Variants in RBMS3 observed in about 807,000 individuals in gnomAD.
The protein encoded by RBMS3 is RNA binding motif single stranded interacting protein 3, also known as RNA-binding motif, single-stranded-interacting protein 3.
In RBMS3, 27 loss-of-function variants were observed where a neutral mutation model predicts 66.8. The observed-to-expected ratio is 0.40, with a 90% confidence interval of 0.30 to 0.56. The LOEUF is 0.56. Among genes scored for constraint, RBMS3 ranks in the 20% least tolerant of loss-of-function variants. The pLI is 0.40. For missense variants in RBMS3, 513 were observed against 549.5 expected (o/e 0.93, Z 0.66); for synonymous variants, 188 against 183.0 (o/e 1.03, Z -0.22).
chr3:29,815,673 G>A (rs2057867332), intron 6 of RBMS3, among the ~76,000 whole-genome samples: 3 of 152,138 alleles, frequency 2.0e-5, no homozygotes, highest in Admixed American at 1.3e-4. Flanking sequence ...TCTAAGTGAA[G>A]TAACTCAGGA....
At chr3:29,668,843 A>G (rs1331113451) in intron 4 of RBMS3, among the ~76,000 whole-genome samples, 1 of 152,222 alleles carries the variant, frequency 6.6e-6, no homozygotes, top group Non-Finnish European at 1.5e-5. Context: ...TTGAAAGAAA[A>G]TCTGAGGAAT....
At chr3:29,905,170 A>T (rs1194782608) in intron 10 of RBMS3, among the ~76,000 whole-genome samples, 1 of 152,052 alleles carries the variant, frequency 6.6e-6, no homozygotes, top group Non-Finnish European at 1.5e-5. Flanking sequence ...GCATCCATAG[A>T]CAATACATAA....
At chr3:29,501,382 G>C (rs1332122083) in intron 3 of RBMS3, among the ~76,000 whole-genome samples, 1 of 152,096 alleles carries the variant, frequency 6.6e-6, no homozygotes, top group African/African-American at 2.4e-5. Flanking sequence ...GTTTACTGTT[G>C]CAGACATTTT....
At chr3:29,389,349 G>T (rs2039174059) in intron 1 of RBMS3, among the ~76,000 whole-genome samples, 1 of 152,154 alleles carries the variant, frequency 6.6e-6, no homozygotes, top group Admixed American at 6.5e-5. Context: ...TGGGGAAAAA[G>T]GTCACTCTTC....
At chr3:29,812,142 G>T (rs1337125113) in intron 6 of RBMS3, among the ~76,000 whole-genome samples, 1 of 152,152 alleles carries the variant, frequency 6.6e-6, no homozygotes, top group African/African-American at 2.4e-5. Flanking sequence ...GTGTGAGTCA[G>T]ATGTCCTCCC....
intron 10 of RBMS3, among the ~76,000 whole-genome samples, chr3:29,901,377 T>C (rs1289722958): frequency 6.6e-6 from 1 of 151,870 alleles, no homozygotes; most frequent in East Asian, 1.9e-4. Flanking sequence ...GTCCTCATAC[T>C]GAGTTTTAAC....
chr3:29,566,639 A>C (rs2046752556), intron 3 of RBMS3, among the ~76,000 whole-genome samples: 1 of 122,202 alleles, frequency 8.2e-6, no homozygotes, highest in Non-Finnish European at 1.8e-5. Flanking sequence ...AAATGCAAAA[A>C]AAAAAAAAAA....
intron 10 of RBMS3, among the ~76,000 whole-genome samples, chr3:29,928,199 TATATATATATATACACAC>T (rs2060996182): frequency 9.4e-6 from 1 of 106,718 alleles, no homozygotes; most frequent in African/African-American, 3.4e-5. Flanking sequence ...TATATATATA[TATATATATATATACACAC>T]ACACACACAC....
chr3:29,876,278 C>T (rs764727155), intron 7 of RBMS3, among the ~76,000 whole-genome samples: 12 of 152,196 alleles, frequency 7.9e-5, no homozygotes, highest in Non-Finnish European at 4.4e-5. Context: ...AGCTTGCTTC[C>T]CTCTATCTCT....
At chr3:29,840,776 T>C (rs115516861) in intron 6 of RBMS3, among the ~76,000 whole-genome samples, 1,744 of 152,136 alleles carry the variant, frequency 0.011, 11 homozygotes, top group Middle Eastern at 0.041. Flanking sequence ...TGAATATTTG[T>C]ATTGCTTTCA....
At chr3:29,666,078 C>T (rs9845179) in intron 4 of RBMS3, among the ~76,000 whole-genome samples, 17,677 of 152,060 alleles carry the variant, frequency 0.12, 1,206 homozygotes, top group East Asian at 0.18. Context: ...ATATAAGAGC[C>T]CGTGTGTACT....
At chr3:29,762,850 TTC>T (rs2055753377) in intron 5 of RBMS3, 58 bp from the exon 6 acceptor site, 1 of 1,182,808 alleles carries the variant, frequency 8.5e-7, no homozygotes, top group Non-Finnish European at 1.2e-6. Context: ...TTTCCTTTAC[TTC>T]TTAAGTTTCT....
At chr3:29,875,968 A>C (rs2059602286) in intron 7 of RBMS3, among the ~76,000 whole-genome samples, 1 of 152,210 alleles carries the variant, frequency 6.6e-6, no homozygotes, top group African/African-American at 2.4e-5. Flanking sequence ...AAATAACAAT[A>C]TTAAGACCCC....
At chr3:29,414,997 A>G (rs1264202986) in intron 1 of RBMS3, among the ~76,000 whole-genome samples, 1 of 152,222 alleles carries the variant, frequency 6.6e-6, no homozygotes, top group Admixed American at 6.5e-5. Context: ...ATAATAGAAT[A>G]AAATGAGGAT....
chr3:29,513,351 C>G (rs3773053), intron 3 of RBMS3, among the ~76,000 whole-genome samples: 24,525 of 152,032 alleles, frequency 0.16, 2,555 homozygotes, highest in East Asian at 0.48. Flanking sequence ...TAACCAAAGA[C>G]CTGAGAACCA....
chr3:29,735,666 A>G (rs1305082399), intron 4 of RBMS3, among the ~76,000 whole-genome samples: 1 of 152,230 alleles, frequency 6.6e-6, no homozygotes, highest in Non-Finnish European at 1.5e-5. Context: ...GCAAAAGTGA[A>G]TAAAACAAGG....
chr3:29,859,454 CAA>C (rs1559745022), intron 6 of RBMS3, among the ~76,000 whole-genome samples: 1 of 152,172 alleles, frequency 6.6e-6, no homozygotes, highest in Non-Finnish European at 1.5e-5. Flanking sequence ...ACTTAGATAT[CAA>C]AAGAACTGAT....
At chr3:29,986,018 C>CAGTGACAT (rs1459253357) in intron 12 of RBMS3, among the ~76,000 whole-genome samples, 1 of 152,100 alleles carries the variant, frequency 6.6e-6, no homozygotes, top group Non-Finnish European at 1.5e-5. Context: ...CAGAGGGTGC[C>CAGTGACAT]AGTGACATCC....
At chr3:29,890,028 T>G (rs540892221) in intron 8 of RBMS3, among the ~76,000 whole-genome samples, 1 of 151,704 alleles carries the variant, frequency 6.6e-6, no homozygotes, top group South Asian at 2.1e-4. Context: ...ATGCATTGTG[T>G]TGTTGGCAAC....
Sources: gnomAD v4.1 joint callset for allele counts (sites outside exome capture counted in the v4.1 genomes callset) on GRCh38, gnomAD v4.1.1 for gene constraint, MANE v1.5 for transcripts, NCBI Gene and HGNC (gene_info 2026-07-23, HGNC 2026-07-21) for gene names.